BRD1: variants seen among roughly 807,000 people sequenced by gnomAD.
BRD1 encodes the protein bromodomain containing 1.
Under a neutral mutation model 107.7 loss-of-function variants are expected in BRD1, and 24 were observed. The observed-to-expected ratio is 0.22, with a 90% CI of 0.16 to 0.31. The LOEUF is 0.31. Ranked by LOEUF, BRD1 falls within the 10% of genes least tolerant of loss-of-function variation. The pLI, the probability that BRD1 is intolerant of heterozygous loss-of-function variation, is 1.00. For missense variants in BRD1, 1,279 were observed against 1,638.6 expected (o/e 0.78, Z 3.79); for synonymous variants, 744 against 686.1 (o/e 1.08, Z -1.32).
In BRD1 at chr22:49,823,094, A is replaced by AT. The variant is rs781314731; in HGVS notation, c.1223dup (p.Asn408LysfsTer11). Reference sequence around the variant, plus strand: ...CCGAGCTCTCTTTTCGACAGACGCCATTTTTCATTTCGACATCCCCGTAAA... The same window carrying AT: ...CCGAGCTCTCTTTTCGACAGACGCCATTTTTTCATTTCGACATCCCCGTAAA... On this transcript the variant is annotated frameshift_variant, in exon 2 of 13. Coordinates refer to ENST00000404760, the MANE Select transcript of BRD1 (RefSeq NM_001304808.3). LOFTEE classifies it high-confidence loss of function. The AT allele has an allele frequency of 6.2e-7, 1 of 1,614,096 alleles. No individual in the cohort carries two copies. The highest frequency in any genetic ancestry group is 1.7e-5 in the Admixed American group (1 of 60,006).
At position 49,823,893 on chromosome 22, in the gene BRD1, A is replaced by C; in HGVS notation, c.425T>G (p.Phe142Cys). Residue 142 changes from phenylalanine (F) to cysteine (C), a missense_variant, in exon 2 of 13, where the codon TTC becomes TGC. Phe to Cys is a radical substitution (Grantham distance 205). Transcript: ENST00000404760. ...APRRPPVYYK[F>C]IEKSAEELDN... is the part of the protein sequence containing the mutation. ...CAGTTCCTCGGCCGACTTCTCGATGAACTTGTAGTACACAGGAGGCCTCCT... is the reference window on the plus strand; with the variant it reads ...CAGTTCCTCGGCCGACTTCTCGATGCACTTGTAGTACACAGGAGGCCTCCT... The C allele has an allele frequency of 6.2e-7, 1 of 1,614,186 alleles. No homozygotes were observed. The highest frequency in any genetic ancestry group is 8.5e-7 in the Non-Finnish European group (1 of 1,180,036).
rs2059450986 is a variant in BRD1 at position 49,792,320 on chromosome 22, G to C, written c.2359+1714C>G. On this transcript the variant is annotated intron_variant, in intron 7 of 12. Coordinates refer to ENST00000404760, the MANE Select transcript of BRD1 (RefSeq NM_001304808.3). The surrounding 1 kb of genome is among the most constrained non-coding windows in gnomAD (Gnocchi z 4.2). ...CTCACAGCTCAGTCCTCAGGGCACA[G>C]AAGACAAGGACAGAAGGGCAGTCCA... Among the ~76,000 whole-genome samples the C allele has an allele frequency of 6.6e-6, 1 of 152,252 alleles. No homozygotes were observed. Among genetic ancestry groups the C allele is most frequent in the Non-Finnish European group, 1.5e-5 (1 of 68,050 alleles).
intron 2 of BRD1, among the ~76,000 whole-genome samples, chr22:49,804,977 C>T (rs890494517): frequency 6.6e-6 from 1 of 152,148 alleles, no homozygotes; most frequent in African/African-American, 2.4e-5. Context: ...TCTATGTGAC[C>T]CCATCTGCAC....
In BRD1 at chr22:49,799,127, C is replaced by A; in HGVS notation, c.1525-8G>T. 6.2e-7 allele frequency: 1 copy of A among 1,603,994 alleles called. No homozygotes were observed. Among genetic ancestry groups the A allele is most frequent in the Non-Finnish European group, 8.5e-7 (1 of 1,178,828 alleles). ...CTCCTCATCATTTTCTCTCTGAGAA[C>A]AGTGAACACTTCCGTCAGTCAAACC... On this transcript the variant is annotated splice_polypyrimidine_tract_variant and splice_region_variant and intron_variant, in intron 3 of 12. Coordinates refer to ENST00000404760, the MANE Select transcript of BRD1 (RefSeq NM_001304808.3).
intron 3 of BRD1, among the ~76,000 whole-genome samples, chr22:49,799,389 CAG>C (rs1279445792): frequency 6.6e-6 from 1 of 152,156 alleles, no homozygotes; most frequent in Non-Finnish European, 1.5e-5. Context: ...TTCCACCCTC[CAG>C]AGAGGACAGA....
intron 2 of BRD1, among the ~76,000 whole-genome samples, chr22:49,814,541 C>A (rs537046307): frequency 6.6e-6 from 1 of 152,246 alleles, no homozygotes; most frequent in Non-Finnish European, 1.5e-5. Flanking sequence ...TCCTCTCCGA[C>A]GGGGCAGGGT....
intron 7 of BRD1, among the ~76,000 whole-genome samples, chr22:49,791,847 C>T (rs775149712): frequency 7.9e-5 from 12 of 152,282 alleles, no homozygotes; most frequent in Admixed American, 2.0e-4. Context: ...TCACAGGAAA[C>T]GCCCTTTTCA....
At chr22:49,776,003 G>C (rs751515699) in intron 11 of BRD1, 47 bp downstream of exon 11, 3 of 1,549,286 alleles carry the variant, frequency 1.9e-6, no homozygotes, top group East Asian at 4.5e-5. Flanking sequence ...CCCCGCAGCT[G>C]TGTGAGCCTC....
intron 3 of BRD1, among the ~76,000 whole-genome samples, chr22:49,800,016 G>A (rs970500781): frequency 7.9e-5 from 12 of 152,130 alleles, no homozygotes; most frequent in South Asian, 4.1e-4. Context: ...CAGGACACGC[G>A]CGCCCTGCCA....
rs1476655138 is a variant in BRD1 at position 49,823,628 on chromosome 22, C to A, written c.690G>T (p.Val230=). 4 of 1,611,974 alleles carry A rather than the reference C, an allele frequency of 2.5e-6. No individual in the cohort carries two copies. Among genetic ancestry groups the A allele is most frequent in the Non-Finnish European group, 3.4e-6 (4 of 1,179,216 alleles). The change falls in exon 2 of 13, where the codon GTG becomes GTT. Residue 230 remains valine, a synonymous_variant. Transcript: ENST00000404760. ...GGTTGCACATGTCGCAGAAGAGGATCACGTTGCTGTTCTGACACTCCCCGT... is the reference window on the plus strand; with the variant it reads ...GGTTGCACATGTCGCAGAAGAGGATAACGTTGCTGTTCTGACACTCCCCGT... The part of the protein sequence containing the change: ...CMDGECQNSN[V]ILFCDMCNLA...
In BRD1 at chr22:49,787,641, G is replaced by A. The variant is rs1052980032; in HGVS notation, c.2606C>T (p.Ala869Val). The A allele has an allele frequency of 3.2e-5, 50 of 1,550,602 alleles. No individual in the cohort carries two copies. Among genetic ancestry groups the A allele is most frequent in the Admixed American group, 2.4e-4 (12 of 51,014 alleles). Residue 869 changes from alanine (A) to valine (V), a missense_variant, in exon 8 of 13, where the codon GCG becomes GTG. Coordinates refer to ENST00000404760, the MANE Select transcript of BRD1 (RefSeq NM_001304808.3). ...TACATCGCTTGCTGGCTCCGCCACC[G>A]CGGAGGCCGCCGCCGCCGGCACATC... is the stretch of plus-strand genomic sequence containing the variant. ...SGDVPAAAAS[A>V]VAEPASDVNR...
intron 7 of BRD1, among the ~76,000 whole-genome samples, chr22:49,790,920 G>T (rs2147079857): frequency 6.6e-6 from 1 of 152,346 alleles, no homozygotes; most frequent in East Asian, 1.9e-4. Flanking sequence ...GACTAAAGGG[G>T]ACGCCCCGGA....
chr22:49,819,877 C>T (rs138875), intron 2 of BRD1, among the ~76,000 whole-genome samples: 1 of 152,124 alleles, frequency 6.6e-6, no homozygotes, highest in African/African-American at 2.4e-5. Context: ...CGCCTGTAAT[C>T]CCAGCACTTT....
chr22:49,779,119 G>A (rs1048168013), intron 8 of BRD1, among the ~76,000 whole-genome samples: 3 of 151,970 alleles, frequency 2.0e-5, no homozygotes, highest in Non-Finnish European at 4.4e-5. Context: ...TGTCACCAAG[G>A]ATGGAGTGCA....
chr22:49,779,856 G>A (rs1206298845), intron 8 of BRD1, among the ~76,000 whole-genome samples: 1 of 152,060 alleles, frequency 6.6e-6, no homozygotes, highest in Admixed American at 6.5e-5. Context: ...ACGGAGCCCA[G>A]CACCCCTGCC....
Position 49,824,818 on chromosome 22 carries a change from C to T in BRD1, c.-14-487G>A, listed in dbSNP as rs956912931. On this transcript the variant is annotated intron_variant, in intron 1 of 12. Coordinates refer to ENST00000404760, the MANE Select transcript of BRD1 (RefSeq NM_001304808.3). The surrounding 1 kb of genome is among the most constrained non-coding windows in gnomAD (Gnocchi z 5.9). ...GTCCTATCGGATGCTCCCCCTAAAC[C>T]ACTCTTCCCCTCCCCACTACTCCCA... 9.9e-7 allele frequency: 1 copy of T among 1,007,826 alleles called. No individual in the cohort carries two copies. The highest frequency in any genetic ancestry group is 1.2e-6 in the Non-Finnish European group (1 of 841,838). 62.4% of individuals were successfully genotyped at this position (1,007,826 alleles called of 1,614,324 possible).
At chr22:49,788,358 AAAACAAAC>A (rs369771311) in intron 7 of BRD1, among the ~76,000 whole-genome samples, 6 of 152,114 alleles carry the variant, frequency 3.9e-5, no homozygotes, top group African/African-American at 1.4e-4. Context: ...CAAAAATGCA[AAAACAAAC>A]AAACAAACAA....
rs936915567 is a variant in BRD1, at chr22:49,777,583, G to A, written c.2993+95C>T. 4 of 1,506,206 alleles carry A rather than the reference G, an allele frequency of 2.7e-6. No individual in the cohort carries two copies. The Admixed American group carries it at 6.0e-5, about 22-fold the overall frequency. The allele number at this position is 1,506,206 out of a possible 1,614,324, so 93.3% of individuals were successfully genotyped here. A position where few individuals can be genotyped will look rare whatever the true frequency, so the allele number is the denominator to read the frequency against. ...GCCAGAATTTTTCAGAGAACACTAA[G>A]ATGGGAGCTGGAATGTCCCGGCTTC... On this transcript the variant is annotated intron_variant, in intron 9 of 12. Coordinates refer to ENST00000404760, the MANE Select transcript of BRD1 (RefSeq NM_001304808.3).
At chr22:49,802,159 T>C (rs1024564121) in intron 3 of BRD1, among the ~76,000 whole-genome samples, 8 of 151,296 alleles carry the variant, frequency 5.3e-5, no homozygotes, top group Non-Finnish European at 1.2e-4. Flanking sequence ...CTCCACTCTC[T>C]TCCTTTCCCC....
Sources: allele counts gnomAD v4.1 joint callset (sites outside exome capture counted in the v4.1 genomes callset), GRCh38; gene constraint gnomAD v4.1.1; non-coding constraint Gnocchi (gnomAD v3.1); transcripts MANE v1.5; gene names NCBI Gene and HGNC (gene_info 2026-07-23, HGNC 2026-07-21).